JAZF1: variants seen among roughly 807,000 people sequenced by gnomAD.
JAZF1 encodes the protein JAZF zinc finger 1, also known as juxtaposed with another zinc finger protein 1.
A neutral mutation model predicts 26.4 loss-of-function variants in JAZF1; 8 were observed. That is an observed-to-expected ratio of 0.30 (90% CI 0.18 to 0.55). The LOEUF (loss-of-function observed/expected upper bound fraction) is 0.55, where lower values mean the gene tolerates loss of function less well. JAZF1 is among the 20% of genes least tolerant of loss of function. JAZF1 has a pLI of 0.94. For synonymous variants in JAZF1, 126 were observed against 122.3 expected, an observed-to-expected ratio of 1.03 and a Z score of -0.20; for missense variants, 199 against 322.0, an observed-to-expected ratio of 0.62 and a Z score of 2.92.
chr7:27,944,247 T>TA (rs1784895546), intron 2 of JAZF1, among the ~76,000 whole-genome samples: 1 of 152,218 alleles, frequency 6.6e-6, no homozygotes, highest in African/African-American at 2.4e-5. Flanking sequence ...TGCATATCTG[T>TA]AGTCTCTGTA....
At chr7:28,121,185 C>CAAAAAA (rs1179698231) in intron 1 of JAZF1, among the ~76,000 whole-genome samples, 1 of 7,130 alleles carries the variant, frequency 1.4e-4, no homozygotes, top group Non-Finnish European at 2.5e-4. Context: ...GAGACTGTCT[C>CAAAAAA]GAAAAAAAAA....
chr7:27,884,713 C>T (rs567451994), intron 3 of JAZF1, among the ~76,000 whole-genome samples: 1 of 152,328 alleles, frequency 6.6e-6, no homozygotes, highest in South Asian at 2.1e-4. Context: ...CTAAATTATA[C>T]TCCACTGTCT....
chr7:28,040,147 A>G (rs962872006), intron 1 of JAZF1, among the ~76,000 whole-genome samples: 8 of 152,260 alleles, frequency 5.3e-5, no homozygotes, highest in Admixed American at 4.6e-4. Flanking sequence ...TACGTTTATT[A>G]AAAATGAATT....
chr7:28,097,263 A>G (rs890670871), intron 1 of JAZF1, among the ~76,000 whole-genome samples: 8 of 152,188 alleles, frequency 5.3e-5, no homozygotes, highest in African/African-American at 1.7e-4. Context: ...ATGTTACCAC[A>G]GTTTACAAAA....
At chr7:27,949,218 C>A (rs1217867061) in intron 2 of JAZF1, among the ~76,000 whole-genome samples, 1 of 152,188 alleles carries the variant, frequency 6.6e-6, no homozygotes, top group Non-Finnish European at 1.5e-5. Flanking sequence ...AAGGGATGAG[C>A]TGAGAAGGGA....
Position 27,830,725 on chromosome 7 carries a change from CAT to C in JAZF1, c.*2073_*2074del. ...TTAATGTGCTCTGTCCCCAACAAAA[CAT>C]ATGAAAATATAATTTAAAGCACAGT... On this transcript the variant is annotated 3_prime_UTR_variant, in exon 5 of 5. Coordinates refer to ENST00000283928, the MANE Select transcript of JAZF1 (RefSeq NM_175061.4). 5.1e-6 allele frequency: 1 copy of C among 194,904 alleles called. No individual in the cohort carries two copies. The highest frequency in any genetic ancestry group is 8.1e-5 in the East Asian group (1 of 12,386). The allele number at this position is 194,904 out of a possible 1,614,324, so 12.1% of individuals were successfully genotyped here. A position where few individuals can be genotyped will look rare whatever the true frequency, so the allele number is the denominator to read the frequency against.
chr7:28,008,185 G>A (rs1410724789), intron 1 of JAZF1, among the ~76,000 whole-genome samples: 1 of 152,042 alleles, frequency 6.6e-6, no homozygotes, highest in Admixed American at 6.6e-5. Context: ...AGCTTTAAGT[G>A]AGAATCATAC....
At chr7:28,157,488 T>C (rs1038747420) in intron 1 of JAZF1, among the ~76,000 whole-genome samples, 3 of 152,216 alleles carry the variant, frequency 2.0e-5, no homozygotes, top group African/African-American at 7.2e-5. Flanking sequence ...GAGTTGCAAA[T>C]AATTTTCACA....
intron 2 of JAZF1, among the ~76,000 whole-genome samples, chr7:27,971,110 A>G (rs1404669667): frequency 6.6e-6 from 1 of 152,232 alleles, no homozygotes; most frequent in African/African-American, 2.4e-5. Context: ...TATGCCTTTC[A>G]TTCTTCCTAA....
chr7:27,928,487 C>CAA (rs1183514589), intron 2 of JAZF1, among the ~76,000 whole-genome samples: 1 of 152,150 alleles, frequency 6.6e-6, no homozygotes, highest in Non-Finnish European at 1.5e-5. Context: ...GAAGAAAACA[C>CAA]AATTCTTAAA....
chr7:27,946,330 A>G (rs1350968690), intron 2 of JAZF1, among the ~76,000 whole-genome samples: 1 of 152,254 alleles, frequency 6.6e-6, no homozygotes, highest in Non-Finnish European at 1.5e-5. Context: ...AAATAAAGAT[A>G]TGTAATTTTT....
At chr7:27,996,498 C>T (rs1045076366) in intron 1 of JAZF1, among the ~76,000 whole-genome samples, 6 of 152,108 alleles carry the variant, frequency 3.9e-5, no homozygotes, top group Admixed American at 2.0e-4. Context: ...GCCCACCCAG[C>T]CAGATGAGTA....
At chr7:28,173,597 T>C (rs1162676855) in intron 1 of JAZF1, among the ~76,000 whole-genome samples, 1 of 152,148 alleles carries the variant, frequency 6.6e-6, no homozygotes, top group Non-Finnish European at 1.5e-5. Flanking sequence ...GTTATTAACC[T>C]GGCATCCAGA....
intron 1 of JAZF1, among the ~76,000 whole-genome samples, chr7:28,013,420 G>A (rs1782831840): frequency 6.6e-6 from 1 of 152,196 alleles, no homozygotes; most frequent in Admixed American, 6.5e-5. Flanking sequence ...ACTTGAGTGT[G>A]CATCAGAATC....
At chr7:28,059,331 T>C (rs974877895) in intron 1 of JAZF1, among the ~76,000 whole-genome samples, 1 of 152,208 alleles carries the variant, frequency 6.6e-6, no homozygotes. Flanking sequence ...TGATAATCTT[T>C]GTCTCTTAAC....
At chr7:27,870,499 A>G (rs1010128521) in intron 3 of JAZF1, among the ~76,000 whole-genome samples, 4 of 152,118 alleles carry the variant, frequency 2.6e-5, no homozygotes, top group African/African-American at 9.7e-5. Flanking sequence ...TAAAACACTC[A>G]AGCTTGACCT....
At chr7:28,032,300 G>C (rs1783205812) in intron 1 of JAZF1, among the ~76,000 whole-genome samples, 1 of 152,144 alleles carries the variant, frequency 6.6e-6, no homozygotes, top group Non-Finnish European at 1.5e-5. Flanking sequence ...ACAAACCAAG[G>C]ACAGAAAATA....
chr7:27,996,060 T>C (rs1210442286), intron 1 of JAZF1, among the ~76,000 whole-genome samples: 2 of 152,196 alleles, frequency 1.3e-5, no homozygotes, highest in Non-Finnish European at 2.9e-5. Context: ...CCATCAAGCA[T>C]CAGGATTGCC....
intron 2 of JAZF1, among the ~76,000 whole-genome samples, chr7:27,968,186 A>G (rs1785312355): frequency 1.3e-5 from 2 of 152,246 alleles, no homozygotes; most frequent in Non-Finnish European, 2.9e-5. Flanking sequence ...GAAATCAGAC[A>G]CAATTAAATG....
Sources: gnomAD v4.1 joint callset for allele counts (sites outside exome capture counted in the v4.1 genomes callset) on GRCh38, gnomAD v4.1.1 for gene constraint, MANE v1.5 for transcripts, NCBI Gene and HGNC (gene_info 2026-07-23, HGNC 2026-07-21) for gene names.